SPOP: variants seen among roughly 807,000 people sequenced by gnomAD.
SPOP encodes the protein speckle-type POZ protein.
Under a neutral mutation model 45.6 loss-of-function variants are expected in SPOP, and 11 were observed. The ratio of observed to expected loss-of-function variants is 0.24; its 90% CI spans 0.15 to 0.40. The LOEUF is 0.40. Ranked by LOEUF, SPOP falls within the 10% of genes least tolerant of loss-of-function variation. SPOP has a pLI of 1.00. For missense variants in SPOP, 152 were observed against 465.6 expected, an observed-to-expected ratio of 0.33 and a Z score of 6.20; for synonymous variants, 166 against 166.3, an observed-to-expected ratio of 1.00 and a Z score of 0.01.
Position 49,620,753 on chromosome 17 carries a change from C to T in SPOP, c.200+1193G>A, listed in dbSNP as rs200440180. On this transcript the variant is annotated intron_variant, in intron 3 of 9. Transcript: ENST00000504102. The stretch of plus-strand genomic sequence containing the variant: ...TGTCATTAGTCAAATGCATGGGTTT[C>T]AGGCACTGCTTCTACCACATGCAAT... 10 of 154,236 alleles carry T rather than the reference C, an allele frequency of 6.5e-5. No individual in the cohort carries two copies. In the East Asian group the frequency reaches 1.9e-3, roughly 30 times the overall value. 9.6% of individuals were successfully genotyped at this position (154,236 alleles called of 1,614,324 possible).
At chr17:49,607,486 C>G in intron 7 of SPOP, 114 bp from the exon 8 acceptor site, 2 of 1,332,660 alleles carry the variant, frequency 1.5e-6, no homozygotes, top group Non-Finnish European at 2.0e-6. Flanking sequence ...CATTTAAAAC[C>G]TAACATTAAT....
chr17:49,674,583 T>C (rs1363006620), intron 1 of SPOP, among the ~76,000 whole-genome samples: 1 of 152,220 alleles, frequency 6.6e-6, no homozygotes. Flanking sequence ...ACTTAAAAAA[T>C]GCTAGTACCA....
intron 1 of SPOP, among the ~76,000 whole-genome samples, chr17:49,650,053 G>A (rs1485255653): frequency 6.6e-6 from 1 of 150,992 alleles, no homozygotes; most frequent in Non-Finnish European, 1.5e-5. Context: ...CACCATGCCC[G>A]GCTAATTTTG....
At chr17:49,677,712 G>A (rs956825948) in intron 1 of SPOP, among the ~76,000 whole-genome samples, 68 of 152,104 alleles carry the variant, frequency 4.5e-4, no homozygotes, top group African/African-American at 1.6e-3. Flanking sequence ...CAGGGGGCGC[G>A]TTTGTGTCTT....
intron 6 of SPOP, among the ~76,000 whole-genome samples, chr17:49,610,662 T>C (rs2071953169): frequency 6.6e-6 from 1 of 152,198 alleles, no homozygotes; most frequent in Non-Finnish European, 1.5e-5. Flanking sequence ...ACTTGAAGGT[T>C]CACACAATTT....
chr17:49,665,521 A>G (rs901705979), intron 1 of SPOP, among the ~76,000 whole-genome samples: 1 of 151,910 alleles, frequency 6.6e-6, no homozygotes, highest in African/African-American at 2.4e-5. Context: ...AGGCTGAGGC[A>G]GGAGAATGGC....
intron 3 of SPOP, among the ~76,000 whole-genome samples, chr17:49,621,350 A>C (rs982590304): frequency 5.9e-5 from 9 of 152,238 alleles, no homozygotes; most frequent in Non-Finnish European, 7.3e-5. Context: ...AAGAGCGTGG[A>C]GAACAGGGCC....
intron 1 of SPOP, among the ~76,000 whole-genome samples, chr17:49,665,694 A>G (rs1299478512): frequency 7.0e-6 from 1 of 142,084 alleles, no homozygotes; most frequent in African/African-American, 2.7e-5. Context: ...ACACACACAC[A>G]CCAATCTGGC....
intron 1 of SPOP, among the ~76,000 whole-genome samples, chr17:49,677,560 A>T (rs746339587): frequency 2.6e-5 from 4 of 152,174 alleles, no homozygotes; most frequent in Non-Finnish European, 4.4e-5. Flanking sequence ...CAACACCGCG[A>T]TGCGCATGCG....
chr17:49,643,748 T>C (rs1282010668), intron 1 of SPOP, among the ~76,000 whole-genome samples: 1 of 151,718 alleles, frequency 6.6e-6, no homozygotes, highest in Non-Finnish European at 1.5e-5. Flanking sequence ...CTGGCCAATA[T>C]GGTGAAACCG....
intron 1 of SPOP, among the ~76,000 whole-genome samples, chr17:49,653,644 A>G (rs1332620267): frequency 2.0e-5 from 3 of 151,794 alleles, no homozygotes; most frequent in Admixed American, 1.3e-4. Flanking sequence ...TGTACTTCCA[A>G]TGTGACTCCC....
At position 49,599,880 on chromosome 17, in the gene SPOP, T is replaced by C. The variant is rs1016524104; in HGVS notation, c.*498A>G. On this transcript the variant is annotated 3_prime_UTR_variant, in exon 10 of 10. Coordinates refer to ENST00000504102, the MANE Select transcript of SPOP (RefSeq NM_001007228.2). Reference sequence around the variant, plus strand: ...ACAAATATCCAAGTTTTAGCACAGTTAGAAGGACTAAAATTTGTTTCTCTC... The same window carrying C: ...ACAAATATCCAAGTTTTAGCACAGTCAGAAGGACTAAAATTTGTTTCTCTC... 1.2e-4 allele frequency: 28 copies of C among 224,402 alleles called. No individual in the cohort carries two copies. The highest frequency in any genetic ancestry group is 1.6e-4 in the Admixed American group (3 of 18,390). 13.9% of individuals were successfully genotyped at this position (224,402 alleles called of 1,614,324 possible). A position where few individuals can be genotyped will look rare whatever the true frequency, so the allele number is the denominator to read the frequency against.
chr17:49,647,313 TAAAA>T (rs1156781114), intron 1 of SPOP, among the ~76,000 whole-genome samples: 1 of 43,152 alleles, frequency 2.3e-5, no homozygotes, highest in African/African-American at 1.0e-4. Context: ...GATGCCGTCT[TAAAA>T]AAAAAAAAAA....
At chr17:49,606,643 A>G (rs2071856896) in intron 8 of SPOP, among the ~76,000 whole-genome samples, 1 of 150,764 alleles carries the variant, frequency 6.6e-6, no homozygotes, top group Non-Finnish European at 1.5e-5. Context: ...ACAAGTGTGC[A>G]CCATCATGCC....
chr17:49,602,149 A>G, intron 8 of SPOP, 142 bp from the exon 9 acceptor site: 1 of 858,364 alleles, frequency 1.2e-6, no homozygotes, highest in Non-Finnish European at 1.7e-6. Flanking sequence ...TACTACTGCA[A>G]TGATAAAACA....
chr17:49,677,796 G>T (rs372661302), intron 1 of SPOP, 137 bp downstream of exon 1: 1 of 388,552 alleles, frequency 2.6e-6, no homozygotes. Context: ...TCCGGGTGTA[G>T]GAAATGGGAC....
intron 1 of SPOP, among the ~76,000 whole-genome samples, chr17:49,676,495 G>A (rs2073201056): frequency 6.6e-6 from 1 of 152,140 alleles, no homozygotes; most frequent in Non-Finnish European, 1.5e-5. Flanking sequence ...GGAGTTAACA[G>A]TGGCAGCCAA....
At chr17:49,611,753 T>C (rs1395444269) in intron 5 of SPOP, among the ~76,000 whole-genome samples, 1 of 152,126 alleles carries the variant, frequency 6.6e-6, no homozygotes, top group Non-Finnish European at 1.5e-5. Context: ...TGGGCAAAGG[T>C]GCCAGAGAGA....
rs561143557 is a variant in SPOP at position 49,635,571 on chromosome 17, T to C, written c.-66-12695A>G. On this transcript the variant is annotated intron_variant, in intron 1 of 9. Transcript: ENST00000504102. ...GGTAAAATACACAAAGGCAATTTGT[T>C]CAAAATCAAACTCCTTTTATAAAGT... Among the ~76,000 whole-genome samples, 17 of 151,916 alleles carry C rather than the reference T, an allele frequency of 1.1e-4. No homozygotes were observed. The South Asian group carries it at 2.3e-3, about 20-fold the overall frequency.
Sources: allele counts gnomAD v4.1 joint callset (sites outside exome capture counted in the v4.1 genomes callset), GRCh38; gene constraint gnomAD v4.1.1; transcripts MANE v1.5; gene names NCBI Gene and HGNC (gene_info 2026-07-23, HGNC 2026-07-21).